Variants in GALNT16 observed in about 807,000 individuals in gnomAD.
GALNT16 encodes the protein UDP-GalNAc:polypeptide N-acetylgalactosaminyltransferase-like protein 1.
GALNT16 carries 40 observed loss-of-function variants against 76.1 expected under a neutral mutation model. The ratio of observed to expected loss-of-function variants is 0.53; its 90% confidence interval spans 0.41 to 0.68. The LOEUF is 0.68. Ranked by LOEUF, GALNT16 falls within the 30% of genes least tolerant of loss-of-function variation. The pLI, the probability that GALNT16 is intolerant of heterozygous loss-of-function variation, is 0.00. For synonymous variants in GALNT16, 276 were observed against 285.2 expected, an observed-to-expected ratio of 0.97 and a Z score of 0.32; for missense variants, 621 against 731.9, an observed-to-expected ratio of 0.85 and a Z score of 1.75.
chr14:69,339,811 G>T (rs527832281), intron 11 of GALNT16, among the ~76,000 whole-genome samples, 192 bp downstream of exon 11: 1 of 152,252 alleles, frequency 6.6e-6, no homozygotes, highest in Non-Finnish European at 1.5e-5. Flanking sequence ...TTTGAGGAGC[G>T]TGAAATCTCA....
intron 1 of GALNT16, among the ~76,000 whole-genome samples, chr14:69,286,741 A>G (rs553059442): frequency 1.3e-5 from 2 of 152,364 alleles, no homozygotes; most frequent in South Asian, 4.1e-4. Flanking sequence ...GTTGACTGAC[A>G]GATGAAAGGA....
the GALNT16 span, among the ~76,000 whole-genome samples, chr14:69,381,605 G>A: frequency 5.9e-5 from 9 of 152,060 alleles, no homozygotes; most frequent in Admixed American, 1.3e-4. Flanking sequence ...ACTGGGTGTC[G>A]CTTTAAATTC....
intron 6 of GALNT16, among the ~76,000 whole-genome samples, chr14:69,330,902 G>T (rs113431634): frequency 0.029 from 4,411 of 152,214 alleles, 95 homozygotes; most frequent in African/African-American, 0.049. Flanking sequence ...GGAGTGGCGA[G>T]TCTGACCTTG....
chr14:69,329,338 C>T (rs1361039219), intron 6 of GALNT16, among the ~76,000 whole-genome samples: 2 of 152,090 alleles, frequency 1.3e-5, no homozygotes, highest in Non-Finnish European at 2.9e-5. Flanking sequence ...GCCTGGGCAA[C>T]TGAGCGAGAC....
chr14:69,337,301 A>C (rs888942024), intron 9 of GALNT16, among the ~76,000 whole-genome samples: 4 of 152,346 alleles, frequency 2.6e-5, no homozygotes, highest in East Asian at 3.9e-4. Context: ...CGTTAAAAAA[A>C]ATAAGGCTAA....
At position 69,325,684 on chromosome 14, in the gene GALNT16, A is replaced by G. The variant is rs552578959; in HGVS notation, c.503-278A>G. Reference sequence around the variant, plus strand: ...AGCATCCTTCATTATTACAACTGCCAAATGCAGATGATAGCTGGGCTGGTA... The same window carrying G: ...AGCATCCTTCATTATTACAACTGCCGAATGCAGATGATAGCTGGGCTGGTA... On this transcript the variant is annotated intron_variant, in intron 4 of 14. Transcript: ENST00000448469. 8.1e-4 allele frequency among the ~76,000 whole-genome samples: 123 copies of G among 152,354 alleles called. 1 individual carries two copies. The highest frequency in any genetic ancestry group is 2.8e-3 in the African/African-American group (116 of 41,584).
At chr14:69,298,496 C>T (rs2044799654) in intron 1 of GALNT16, 3 of 152,440 alleles carry the variant, frequency 2.0e-5, no homozygotes, top group Admixed American at 2.0e-4. Flanking sequence ...CTGCACTTCA[C>T]AATCAGCCTC....
At chr14:69,327,273 G>T (rs1020880939) in intron 5 of GALNT16, among the ~76,000 whole-genome samples, 1 of 152,116 alleles carries the variant, frequency 6.6e-6, no homozygotes. Context: ...TCACTTGAAC[G>T]CTTGAACCCA....
At chr14:69,379,483 T>C in the GALNT16 span, among the ~76,000 whole-genome samples, 1 of 152,086 alleles carries the variant, frequency 6.6e-6, no homozygotes, top group Admixed American at 6.6e-5. Context: ...AACAGGGGGA[T>C]ATTAAACCAA....
intron 12 of GALNT16, among the ~76,000 whole-genome samples, chr14:69,345,703 AGTGTGTGTGT>A (rs55871607): frequency 1.5e-5 from 2 of 135,006 alleles, no homozygotes; most frequent in African/African-American, 2.8e-5. Flanking sequence ...ATAAGGTGTC[AGTGTGTGTGT>A]GTGTGTGTGT....
rs1594802942 is a variant in GALNT16, at chr14:69,260,552, C to T, written c.177+85C>T. 8 of 992,660 alleles carry T rather than the reference C, an allele frequency of 8.1e-6. No homozygotes were observed. In the East Asian group the frequency reaches 2.9e-4, roughly 36 times the overall value. 61.5% of individuals were successfully genotyped at this position (992,660 alleles called of 1,614,324 possible). On this transcript the variant is annotated intron_variant, in intron 1 of 14. Transcript: ENST00000448469. Reference sequence around the variant, plus strand: ...TGCGCGGCGGCCGAGGGCGCGGGGCCCGGCCAGGGCTGAGTGCCCGCTGCG... The same window carrying T: ...TGCGCGGCGGCCGAGGGCGCGGGGCTCGGCCAGGGCTGAGTGCCCGCTGCG...
At position 69,304,431 on chromosome 14, in the gene GALNT16, G is replaced by A. The variant is rs2044902132; in HGVS notation, c.178-16280G>A. On this transcript the variant is annotated intron_variant, in intron 1 of 14. Transcript: ENST00000448469. Reference sequence around the variant, plus strand: ...ATGTAGGGCTTTTAATTCCATATGTGGTTTTTTCTTTTATATTATTGCAGT... The same window carrying A: ...ATGTAGGGCTTTTAATTCCATATGTAGTTTTTTCTTTTATATTATTGCAGT... Among the ~76,000 whole-genome samples the A allele has an allele frequency of 2.6e-5, 4 of 152,094 alleles. No individual in the cohort carries two copies. The South Asian group carries it at 8.3e-4, about 32-fold the overall frequency.
chr14:69,322,434 G>T (rs1248036370), intron 2 of GALNT16, among the ~76,000 whole-genome samples: 1 of 152,218 alleles, frequency 6.6e-6, no homozygotes, highest in South Asian at 2.1e-4. Context: ...GATAATCTCT[G>T]TTCACCCCCC....
At position 69,331,541 on chromosome 14, in the gene GALNT16, C is replaced by G. The variant is rs780685056; in HGVS notation, c.768C>G (p.Asp256Glu). Residue 256 changes from aspartate to glutamate, a missense_variant, in exon 7 of 15, where the codon GAC becomes GAG. Asp to Glu is a conservative substitution (Grantham distance 45). Transcript: ENST00000448469. ...TTGCCTACCTTGCAGCATCTGCTGA[C>G]CTTCGTGGAGGTGAGTTCTGCTCCC... Reference protein sequence around the residue: ...DNFAYLAASADLRGGFDWSLH... With the variant: ...DNFAYLAASAELRGGFDWSLH... 6.3e-7 allele frequency: 1 copy of G among 1,596,576 alleles called. No homozygotes were observed. The highest frequency in any genetic ancestry group is 8.6e-7 in the Non-Finnish European group (1 of 1,163,914).
chr14:69,371,411 G>A, the GALNT16 span, among the ~76,000 whole-genome samples: 2 of 151,308 alleles, frequency 1.3e-5, no homozygotes, highest in South Asian at 4.2e-4. Flanking sequence ...GCACCACCAC[G>A]CCCAGCTTAT....
At chr14:69,303,009 A>C (rs148618771) in intron 1 of GALNT16, among the ~76,000 whole-genome samples, 262 of 152,320 alleles carry the variant, frequency 1.7e-3, no homozygotes, top group Middle Eastern at 6.8e-3. Context: ...GATTATTTCC[A>C]ATATCTTACT....
At chr14:69,383,273 G>C in the GALNT16 span, among the ~76,000 whole-genome samples, 3 of 152,190 alleles carry the variant, frequency 2.0e-5, no homozygotes, top group African/African-American at 7.2e-5. Flanking sequence ...TCTGGGTTTA[G>C]TCATGTTACA....
intron 1 of GALNT16, among the ~76,000 whole-genome samples, chr14:69,264,348 G>A (rs916762868): frequency 6.6e-6 from 1 of 152,158 alleles, no homozygotes; most frequent in Non-Finnish European, 1.5e-5. Flanking sequence ...TGCAAGGTTT[G>A]TTGATCCTGA....
the GALNT16 span, among the ~76,000 whole-genome samples, chr14:69,363,163 G>C: frequency 6.6e-6 from 1 of 152,200 alleles, no homozygotes; most frequent in African/African-American, 2.4e-5. Context: ...CCTGGAGCAG[G>C]GAAGATGCAG....
Sources: allele counts gnomAD v4.1 joint callset (sites outside exome capture counted in the v4.1 genomes callset), GRCh38; gene constraint gnomAD v4.1.1; transcripts MANE v1.5; gene names NCBI Gene and HGNC (gene_info 2026-07-23, HGNC 2026-07-21).